Variants in EPHB1 observed in about 807,000 individuals in gnomAD.
EPHB1 encodes ephrin type-B receptor 1.
Under a neutral mutation model 94.4 loss-of-function variants are expected in EPHB1, and 30 were observed. The observed-to-expected ratio is 0.32, with a 90% CI of 0.24 to 0.43. The LOEUF is 0.43. Among genes scored for constraint, EPHB1 ranks in the 20% least tolerant of loss-of-function variants. The pLI, the probability that EPHB1 is intolerant of heterozygous loss-of-function variation, is 1.00. For synonymous variants in EPHB1, 522 were observed against 489.1 expected (o/e 1.07, Z -0.89); for missense variants, 1,055 against 1,308.3 (o/e 0.81, Z 2.99).
In EPHB1 at chr3:135,260,272, C is replaced by T. The variant is rs1250962366; in HGVS notation, c.*1152C>T. ...GCTTTACCTATGGACTGGCTTAAGC[C>T]GTGTGGCATCCGAGGAATGTTTCAA... On this transcript the variant is annotated 3_prime_UTR_variant, in exon 16 of 16. Transcript: ENST00000398015. The T allele has an allele frequency of 4.3e-6, 1 of 233,022 alleles. No homozygotes were observed. Among genetic ancestry groups the T allele is most frequent in the African/African-American group, 2.2e-5 (1 of 45,442 alleles). The allele number at this position is 233,022 out of a possible 1,614,324, so 14.4% of individuals were successfully genotyped here. A position where few individuals can be genotyped will look rare whatever the true frequency, so the allele number is the denominator to read the frequency against.
At chr3:134,945,710 G>A (rs1376834873) in intron 2 of EPHB1, among the ~76,000 whole-genome samples, 2 of 152,176 alleles carry the variant, frequency 1.3e-5, no homozygotes, top group African/African-American at 4.8e-5. Context: ...TTAATGGGAG[G>A]AGATAATTAC....
intron 2 of EPHB1, among the ~76,000 whole-genome samples, chr3:134,939,380 G>GT (rs1347351210): frequency 1.3e-5 from 2 of 151,120 alleles, no homozygotes; most frequent in Non-Finnish European, 2.9e-5. Context: ...TGAATGGGGG[G>GT]TGGGGGGGTG....
chr3:135,151,282 G>A (rs1414963847), intron 5 of EPHB1, among the ~76,000 whole-genome samples: 4 of 152,100 alleles, frequency 2.6e-5, no homozygotes, highest in Non-Finnish European at 2.9e-5. Flanking sequence ...ACTCCTTCTA[G>A]TGTCCCTCAG....
intron 1 of EPHB1, among the ~76,000 whole-genome samples, chr3:134,882,765 C>CCTTTCTTTCTTTTCTCTTT (rs10635632): frequency 1.3e-5 from 1 of 79,882 alleles, no homozygotes; most frequent in African/African-American, 4.5e-5. Context: ...TTCCTTCCTT[C>CCTTTCTTTCTTTTCTCTTT]CTTTCTTTCT....
intron 3 of EPHB1, among the ~76,000 whole-genome samples, chr3:135,085,273 C>G (rs369400867): frequency 6.6e-6 from 1 of 152,182 alleles, no homozygotes; most frequent in East Asian, 1.9e-4. Flanking sequence ...GGAAGCTAAG[C>G]GTGTCTTCCC....
intron 10 of EPHB1, among the ~76,000 whole-genome samples, chr3:135,188,631 A>G (rs896285147): frequency 1.3e-5 from 2 of 152,240 alleles, no homozygotes. Flanking sequence ...TTTTTATTAT[A>G]TAACAAGGAG....
At chr3:135,034,345 T>TGGGAGGGCAAGGGG (rs563981676) in intron 3 of EPHB1, among the ~76,000 whole-genome samples, 96 of 152,286 alleles carry the variant, frequency 6.3e-4, no homozygotes, top group African/African-American at 2.2e-3. Context: ...CACCTCCCGT[T>TGGGAGGGCAAGGGG]CAGGGAGGGC....
intron 9 of EPHB1, among the ~76,000 whole-genome samples, chr3:135,173,022 T>G (rs533666101): frequency 6.6e-6 from 1 of 151,616 alleles, no homozygotes; most frequent in South Asian, 2.1e-4. Context: ...AAGCTTTTTT[T>G]CTGAAATAGT....
rs79391954 is a variant in EPHB1, at chr3:135,232,936, G to A, written c.2347-8212G>A. On this transcript the variant is annotated intron_variant, in intron 12 of 15. Transcript: ENST00000398015. ...ACTCACTAGTACAGTAGAACAGAAG[G>A]GTAACTGCCTCCATGATTAAATTAC... Among the ~76,000 whole-genome samples, 1,055 of 152,216 alleles carry A rather than the reference G, an allele frequency of 6.9e-3. 11 individuals are homozygous for A. Among genetic ancestry groups the A allele is most frequent in the African/African-American group, 0.024 (1,009 of 41,524 alleles).
chr3:134,966,794 T>C (rs2107724790), intron 3 of EPHB1, among the ~76,000 whole-genome samples: 1 of 152,388 alleles, frequency 6.6e-6, no homozygotes, highest in Middle Eastern at 3.4e-3. Context: ...ATTCCTGCCA[T>C]TCTGTTTGCC....
At chr3:135,049,962 C>A (rs1351612108) in intron 3 of EPHB1, among the ~76,000 whole-genome samples, 2 of 152,154 alleles carry the variant, frequency 1.3e-5, no homozygotes, top group African/African-American at 4.8e-5. Context: ...CCAGTGGTAC[C>A]CCGGGACCCT....
At chr3:134,949,790 G>A (rs528559119) in intron 2 of EPHB1, among the ~76,000 whole-genome samples, 141 of 151,958 alleles carry the variant, frequency 9.3e-4, no homozygotes, top group Non-Finnish European at 1.5e-3. Context: ...AATATCCTCC[G>A]TTCTTGAGAC....
At chr3:134,937,400 C>T (rs753904955) in intron 2 of EPHB1, among the ~76,000 whole-genome samples, 10 of 152,190 alleles carry the variant, frequency 6.6e-5, no homozygotes, top group Non-Finnish European at 1.0e-4. Flanking sequence ...GGAATTTCCT[C>T]CATTGTAAGA....
chr3:134,835,625 G>A (rs147984801), intron 1 of EPHB1, among the ~76,000 whole-genome samples: 5 of 152,326 alleles, frequency 3.3e-5, no homozygotes, highest in African/African-American at 1.2e-4. Context: ...AGAGCAGTCT[G>A]GCTCCAAAGC....
intron 3 of EPHB1, among the ~76,000 whole-genome samples, chr3:135,073,126 GT>G (rs11344305): frequency 0.46 from 68,800 of 151,022 alleles, 16,061 homozygotes; most frequent in Middle Eastern, 0.51. Context: ...AAAAATCATT[GT>G]ATGATTTTTT....
intron 3 of EPHB1, among the ~76,000 whole-genome samples, chr3:134,993,773 C>T (rs1934898079): frequency 6.6e-6 from 1 of 152,222 alleles, no homozygotes; most frequent in African/African-American, 2.4e-5. Flanking sequence ...CTTGGCATGG[C>T]AATCAGGACT....
intron 3 of EPHB1, among the ~76,000 whole-genome samples, chr3:135,063,823 G>T (rs933024940): frequency 6.6e-6 from 1 of 152,068 alleles, no homozygotes; most frequent in African/African-American, 2.4e-5. Context: ...GTTGGCTGTG[G>T]GTTTGTCATA....
chr3:135,124,298 G>C (rs1940105236), intron 4 of EPHB1, among the ~76,000 whole-genome samples: 2 of 151,594 alleles, frequency 1.3e-5, no homozygotes, highest in African/African-American at 4.9e-5. Flanking sequence ...CACCACACCA[G>C]CATGCTGTCT....
chr3:135,118,340 C>G (rs1358789330), intron 4 of EPHB1, among the ~76,000 whole-genome samples: 1 of 152,188 alleles, frequency 6.6e-6, no homozygotes, highest in Non-Finnish European at 1.5e-5. Context: ...ACACTAATAA[C>G]TGGCATTTAT....
Sources: gnomAD v4.1 joint callset for allele counts (sites outside exome capture counted in the v4.1 genomes callset) on GRCh38, gnomAD v4.1.1 for gene constraint, MANE v1.5 for transcripts, NCBI Gene and HGNC (gene_info 2026-07-23, HGNC 2026-07-21) for gene names.